CNTLN: variants seen among roughly 807,000 people sequenced by gnomAD.
The protein encoded by CNTLN is centlein, also known as centlein, centrosomal protein.
CNTLN carries 212 observed loss-of-function variants against 180.0 expected under a neutral mutation model. The ratio of observed to expected loss-of-function variants is 1.18; its 90% confidence interval spans 1.05 to 1.32. The LOEUF (loss-of-function observed/expected upper bound fraction) is 1.32. Ranked by LOEUF, CNTLN falls within the 40% of genes most tolerant of loss-of-function variation. The pLI is 0.00. For missense variants in CNTLN, 2,095 were observed against 1,610.9 expected, an observed-to-expected ratio of 1.30 and a Z score of -5.14; for synonymous variants, 722 against 563.1, an observed-to-expected ratio of 1.28 and a Z score of -3.99.
chr9:17,185,937 C>T (rs986768528), intron 2 of CNTLN, among the ~76,000 whole-genome samples: 40 of 152,036 alleles, frequency 2.6e-4, no homozygotes, highest in Admixed American at 1.8e-3. Context: ...GGACTATAGG[C>T]GCGCACCACC....
chr9:17,360,264 A>G (rs1025992859), intron 12 of CNTLN, among the ~76,000 whole-genome samples: 1 of 152,220 alleles, frequency 6.6e-6, no homozygotes, highest in Non-Finnish European at 1.5e-5. Flanking sequence ...AAGACTATTT[A>G]GGACCATCAT....
intron 2 of CNTLN, among the ~76,000 whole-genome samples, chr9:17,187,218 A>G (rs1821485073): frequency 6.6e-6 from 1 of 152,126 alleles, no homozygotes; most frequent in Non-Finnish European, 1.5e-5. Flanking sequence ...CCTAATCTGC[A>G]AAGACAAATA....
At position 17,185,378 on chromosome 9, in the gene CNTLN, G is replaced by T. The variant is rs183543537; in HGVS notation, c.450-40825G>T. Among the ~76,000 whole-genome samples the T allele has an allele frequency of 5.1e-3, 772 of 152,244 alleles. 5 individuals carry two copies. The highest frequency in any genetic ancestry group is 7.9e-3 in the Admixed American group (121 of 15,286). On this transcript the variant is annotated intron_variant, in intron 2 of 25. Transcript: ENST00000380647. ...CAAACATGACATTTACTTTCAAAGG[G>T]TTTATCAAAAGATAATAATACATTC...
chr9:17,227,614 A>C (rs1766372409), intron 3 of CNTLN, among the ~76,000 whole-genome samples: 1 of 151,968 alleles, frequency 6.6e-6, no homozygotes, highest in Non-Finnish European at 1.5e-5. Context: ...GGTTCATGAG[A>C]ACTTTGATCT....
the CNTLN span, among the ~76,000 whole-genome samples, chr9:17,513,950 G>A: frequency 1.8e-4 from 28 of 152,104 alleles, no homozygotes; most frequent in Admixed American, 1.8e-3. Flanking sequence ...ATAGGTACAG[G>A]TCAATTTTAA....
chr9:17,334,912 A>T (rs150298563), intron 10 of CNTLN, among the ~76,000 whole-genome samples: 2,549 of 144,066 alleles, frequency 0.018, 46 homozygotes, highest in African/African-American at 0.05. Flanking sequence ...TCTAAAATTA[A>T]AAAAAAAAAA....
At chr9:17,358,455 A>G (rs182711538) in intron 12 of CNTLN, among the ~76,000 whole-genome samples, 23 of 152,280 alleles carry the variant, frequency 1.5e-4, no homozygotes, top group Admixed American at 9.8e-4. Context: ...ATGTATATGT[A>G]GACATACACA....
intron 2 of CNTLN, among the ~76,000 whole-genome samples, chr9:17,190,421 TATTAA>T (rs1821722982): frequency 6.6e-6 from 1 of 152,036 alleles, no homozygotes; most frequent in Non-Finnish European, 1.5e-5. Flanking sequence ...AGTAAATGAC[TATTAA>T]ATTGTAATTG....
intron 12 of CNTLN, 70 bp downstream of exon 12, chr9:17,342,514 C>G: frequency 4.3e-6 from 6 of 1,384,262 alleles, no homozygotes; most frequent in Non-Finnish European, 5.9e-6. Flanking sequence ...GGCTTAAAAG[C>G]TATTAAAGAA....
At position 17,156,720 on chromosome 9, in the gene CNTLN, C is replaced by G. The variant is rs533155193; in HGVS notation, c.449+13344C>G. On this transcript the variant is annotated intron_variant, in intron 2 of 25. Transcript: ENST00000380647. ...GAGATTTTACAGGTTCAGTTCCAGACCACTGCAATAAAGCAAATATTGCAA... is the reference window on the plus strand; with the variant it reads ...GAGATTTTACAGGTTCAGTTCCAGAGCACTGCAATAAAGCAAATATTGCAA... Among the ~76,000 whole-genome samples the G allele has an allele frequency of 2.2e-4, 34 of 152,166 alleles. 1 individual carries two copies. The South Asian group carries it at 6.6e-3, about 30-fold the overall frequency.
chr9:17,364,079 T>G (rs1279802093), intron 12 of CNTLN, among the ~76,000 whole-genome samples: 1 of 152,150 alleles, frequency 6.6e-6, no homozygotes, highest in African/African-American at 2.4e-5. Flanking sequence ...ACTAAGACAT[T>G]TTTAAGTGTG....
chr9:17,466,296 A>G (rs996719770), intron 22 of CNTLN, among the ~76,000 whole-genome samples, 178 bp downstream of exon 22: 4 of 151,464 alleles, frequency 2.6e-5, no homozygotes, highest in African/African-American at 9.7e-5. Flanking sequence ...CATTAAAGAT[A>G]TTTCTGTATT....
At chr9:17,418,625 G>C (rs1828456029) in intron 18 of CNTLN, among the ~76,000 whole-genome samples, 1 of 151,558 alleles carries the variant, frequency 6.6e-6, no homozygotes, top group African/African-American at 2.4e-5. Context: ...ATTCCTATAT[G>C]CTCGGTAAAT....
At chr9:17,307,861 C>G (rs1236840890) in intron 7 of CNTLN, among the ~76,000 whole-genome samples, 4 of 151,964 alleles carry the variant, frequency 2.6e-5, no homozygotes, top group Non-Finnish European at 5.9e-5. Context: ...ATGTTCGTAT[C>G]TTTAAGTAAA....
chr9:17,515,727 C>T, the CNTLN span, among the ~76,000 whole-genome samples: 1 of 152,166 alleles, frequency 6.6e-6, no homozygotes, highest in East Asian at 1.9e-4. Context: ...ACTGCCTTCC[C>T]CATTTCCACT....
chr9:17,505,079 A>G (rs1783794467), downstream of CNTLN, among the ~76,000 whole-genome samples: 1 of 152,112 alleles, frequency 6.6e-6, no homozygotes, highest in African/African-American at 2.4e-5. Context: ...GGCTAAAAAT[A>G]CCCCACAATC....
At chr9:17,356,840 C>T (rs1464818466) in intron 12 of CNTLN, among the ~76,000 whole-genome samples, 2 of 152,030 alleles carry the variant, frequency 1.3e-5, no homozygotes, top group African/African-American at 4.8e-5. Context: ...TATGCGTTTC[C>T]ATTTTTATGT....
intron 8 of CNTLN, among the ~76,000 whole-genome samples, chr9:17,312,772 C>G (rs1207138890): frequency 6.6e-6 from 1 of 151,946 alleles, no homozygotes; most frequent in East Asian, 1.9e-4. Flanking sequence ...CTATATGTAC[C>G]TGAGAATAAT....
intron 8 of CNTLN, among the ~76,000 whole-genome samples, chr9:17,311,428 C>G (rs963160912): frequency 2.7e-5 from 4 of 148,632 alleles, no homozygotes; most frequent in African/African-American, 2.5e-5. Flanking sequence ...GATTCCCAAT[C>G]AAAATCCCAG....
Sources: allele counts gnomAD v4.1 joint callset (sites outside exome capture counted in the v4.1 genomes callset), GRCh38; gene constraint gnomAD v4.1.1; transcripts MANE v1.5; gene names NCBI Gene and HGNC (gene_info 2026-07-23, HGNC 2026-07-21).